MPHOSPH10: variants seen among roughly 807,000 people sequenced by gnomAD.
MPHOSPH10 encodes U3 small nucleolar ribonucleoprotein MPP10.
In MPHOSPH10, 33 loss-of-function variants were observed where a neutral mutation model predicts 77.3. The ratio of observed to expected loss-of-function variants is 0.43; its 90% CI spans 0.32 to 0.57. The LOEUF is 0.57. Ranked by LOEUF, MPHOSPH10 falls within the 20% of genes least tolerant of loss-of-function variation. MPHOSPH10 has a pLI of 0.07. For missense variants in MPHOSPH10, 708 were observed against 780.1 expected (o/e 0.91, Z 1.10); for synonymous variants, 245 against 268.0 (o/e 0.91, Z 0.84).
chr2:71,147,928 G>A, intron 8 of MPHOSPH10, 71 bp from the exon 9 acceptor site: 1 of 1,141,902 alleles, frequency 8.8e-7, no homozygotes, highest in Admixed American at 1.8e-5. Context: ...TAAGTTAATA[G>A]GTTCACAGTT....
intron 4 of MPHOSPH10, among the ~76,000 whole-genome samples, chr2:71,137,966 G>A (rs924873802): frequency 2.0e-5 from 3 of 152,068 alleles, no homozygotes; most frequent in African/African-American, 2.4e-5. Context: ...GGTGGCACAC[G>A]CCTGTAATTC....
chr2:71,130,817 C>T, intron 1 of MPHOSPH10, 63 bp downstream of exon 1: 1 of 1,482,010 alleles, frequency 6.7e-7, no homozygotes, highest in Non-Finnish European at 9.2e-7. Context: ...GGGTTGCAGG[C>T]CTCCGGCAAA....
chr2:71,147,875 G>GA, intron 8 of MPHOSPH10, 124 bp from the exon 9 acceptor site: 3 of 724,468 alleles, frequency 4.1e-6, no homozygotes, highest in Non-Finnish European at 4.4e-6. Flanking sequence ...TCAAGCAAGT[G>GA]AAAAAAAGAT....
rs926642345 is a variant in MPHOSPH10, at chr2:71,132,920, A to G, written c.112A>G (p.Lys38Glu). ...FLTIQEGLAS[K>E]FTSLTKVLYD... ...TAGGATTCAAGAGGGATTGGCATCA[A>G]AGTTCACTTCTTTAACAAAAGTGCT... The change falls in exon 2 of 11, where the codon AAG becomes GAG. Residue 38 changes from lysine to glutamate, a missense_variant. Coordinates refer to ENST00000244230, the MANE Select transcript of MPHOSPH10 (RefSeq NM_005791.3). The G allele has an allele frequency of 5.0e-6, 8 of 1,609,506 alleles. No homozygotes were observed. The African/African-American group carries it at 1.1e-4, about 22-fold the overall frequency.
intron 6 of MPHOSPH10, among the ~76,000 whole-genome samples, chr2:71,140,373 C>T (rs1186631257): frequency 2.0e-5 from 3 of 152,176 alleles, no homozygotes; most frequent in African/African-American, 7.2e-5. Flanking sequence ...GGTGAAAGGG[C>T]TGAGCATGCT....
At chr2:71,131,447 G>C (rs748981032) in intron 1 of MPHOSPH10, among the ~76,000 whole-genome samples, 1 of 152,102 alleles carries the variant, frequency 6.6e-6, no homozygotes, top group Non-Finnish European at 1.5e-5. Flanking sequence ...TAGAATTGTT[G>C]TTTCTACCCA....
intron 7 of MPHOSPH10, among the ~76,000 whole-genome samples, chr2:71,143,911 G>A (rs573548088): frequency 6.6e-6 from 1 of 152,300 alleles, no homozygotes; most frequent in Non-Finnish European, 1.5e-5. Context: ...ACATGTATTT[G>A]TTTGAGTATC....
chr2:71,149,160 C>CA (rs1673769666), intron 9 of MPHOSPH10, 63 bp from the exon 10 acceptor site: 1 of 1,438,974 alleles, frequency 6.9e-7, no homozygotes, highest in African/African-American at 1.4e-5. Flanking sequence ...CAGTTTCTTC[C>CA]ATTCCAGTTT....
Position 71,134,057 on chromosome 2 carries a change from A to T in MPHOSPH10, c.878A>T (p.Asp293Val). 1 of 1,610,328 alleles carries T rather than the reference A, an allele frequency of 6.2e-7. No homozygotes were observed. The change falls in exon 3 of 11, where the codon GAT (aspartate) becomes GTT (valine). Residue 293 changes from aspartate (D) to valine (V), a missense_variant. Coordinates refer to ENST00000244230, the MANE Select transcript of MPHOSPH10 (RefSeq NM_005791.3). ...HDDELDSNKE[D>V]DEIAEEEAEE... ...GATGAGCTGGATTCAAACAAAGAAG[A>T]TGATGAAATTGCTGAAGAAGAAGCA...
At chr2:71,145,355 T>C (rs1673686650) in intron 8 of MPHOSPH10, among the ~76,000 whole-genome samples, 1 of 152,238 alleles carries the variant, frequency 6.6e-6, no homozygotes, top group Non-Finnish European at 1.5e-5. Flanking sequence ...ACTAGCTTTA[T>C]GATGCAGGCA....
intron 8 of MPHOSPH10, among the ~76,000 whole-genome samples, chr2:71,147,091 A>G (rs1673728517): frequency 6.6e-6 from 1 of 151,996 alleles, no homozygotes; most frequent in African/African-American, 2.4e-5. Context: ...GTATTATTTC[A>G]TATTTGTTTA....
At chr2:71,133,805 T>C in intron 2 of MPHOSPH10, 143 bp from the exon 3 acceptor site, 1 of 828,746 alleles carries the variant, frequency 1.2e-6, no homozygotes, top group Non-Finnish European at 1.8e-6. Context: ...TATTTAGTTA[T>C]TAGTTTGGTT....
chr2:71,141,137 T>TTAA, intron 6 of MPHOSPH10, 95 bp from the exon 7 acceptor site: 2 of 566,758 alleles, frequency 3.5e-6, no homozygotes, highest in Non-Finnish European at 4.8e-6. Context: ...ATATTGATAA[T>TTAA]ATTTATTATA....
At position 71,144,594 on chromosome 2, in the gene MPHOSPH10, G is replaced by A. The variant is rs1673674071; in HGVS notation, c.1557+56G>A. 6 of 1,266,388 alleles carry A rather than the reference G, an allele frequency of 4.7e-6. No individual in the cohort carries two copies. In the Admixed American group the frequency reaches 1.1e-4, roughly 24 times the overall value. The allele number at this position is 1,266,388 out of a possible 1,614,324, so 78.4% of individuals were successfully genotyped here. On this transcript the variant is annotated intron_variant, in intron 8 of 10. Coordinates refer to ENST00000244230, the MANE Select transcript of MPHOSPH10 (RefSeq NM_005791.3). Reference sequence around the variant, plus strand: ...AGAGCAGGGTGACCTTCATAGCTTTGATCCTTTGTGAGACTAGCTCTTTAT... The same window carrying A: ...AGAGCAGGGTGACCTTCATAGCTTTAATCCTTTGTGAGACTAGCTCTTTAT...
chr2:71,131,334 T>G (rs1031561026), intron 1 of MPHOSPH10, among the ~76,000 whole-genome samples: 7 of 152,210 alleles, frequency 4.6e-5, no homozygotes, highest in Non-Finnish European at 8.8e-5. Flanking sequence ...AGCACACAAC[T>G]GGGATATCCA....
intron 10 of MPHOSPH10, 118 bp downstream of exon 10, chr2:71,149,571 A>G: frequency 3.1e-6 from 3 of 965,778 alleles, no homozygotes; most frequent in African/African-American, 1.7e-5. Flanking sequence ...ATAGAGATGC[A>G]TGATGCTGAC....
At chr2:71,135,256 G>A (rs1174863459) in intron 4 of MPHOSPH10, among the ~76,000 whole-genome samples, 1 of 152,072 alleles carries the variant, frequency 6.6e-6, no homozygotes, top group Non-Finnish European at 1.5e-5. Flanking sequence ...GAGTAAAATA[G>A]TTGCTTCTGC....
At chr2:71,135,702 C>CTTTTT (rs781167523) in intron 4 of MPHOSPH10, among the ~76,000 whole-genome samples, 7 of 130,662 alleles carry the variant, frequency 5.4e-5, no homozygotes, top group South Asian at 2.5e-4. Flanking sequence ...TTTTCTTTTT[C>CTTTTT]TTTTTTTTTT....
chr2:71,148,737 G>A (rs1474559991), intron 9 of MPHOSPH10: 2 of 164,458 alleles, frequency 1.2e-5, no homozygotes, highest in African/African-American at 4.8e-5. Flanking sequence ...AGCCCTGGCA[G>A]GATAGGCTGG....
Sources: allele counts gnomAD v4.1 joint callset (sites outside exome capture counted in the v4.1 genomes callset), GRCh38; gene constraint gnomAD v4.1.1; transcripts MANE v1.5; gene names NCBI Gene and HGNC (gene_info 2026-07-23, HGNC 2026-07-21).